KCNAB1: variants seen among roughly 807,000 people sequenced by gnomAD.
The protein encoded by KCNAB1 is potassium voltage-gated channel subfamily A regulatory beta subunit 1.
A neutral mutation model predicts 64.6 loss-of-function variants in KCNAB1; 35 were observed. The observed-to-expected ratio is 0.54, with a 90% confidence interval of 0.41 to 0.72. The LOEUF (loss-of-function observed/expected upper bound fraction) is 0.72. Among genes scored for constraint, KCNAB1 ranks in the 30% least tolerant of loss-of-function variants. The pLI, the probability that KCNAB1 is intolerant of heterozygous loss-of-function variation, is 0.00. For synonymous variants in KCNAB1, 177 were observed against 183.8 expected, an observed-to-expected ratio of 0.96 and a Z score of 0.30; for missense variants, 401 against 512.9, an observed-to-expected ratio of 0.78 and a Z score of 2.11.
chr3:156,118,874 G>T (rs1375300713), upstream of KCNAB1, among the ~76,000 whole-genome samples: 1 of 152,196 alleles, frequency 6.6e-6, no homozygotes, highest in Non-Finnish European at 1.5e-5. Context: ...ATATAATGTT[G>T]CCAGAACTCC....
intron 1 of KCNAB1, among the ~76,000 whole-genome samples, chr3:156,197,118 A>G (rs536589333): frequency 2.9e-4 from 44 of 152,256 alleles, no homozygotes; most frequent in Admixed American, 7.2e-4. Context: ...TGATTTGTGT[A>G]TGTTGAACCA....
intron 2 of KCNAB1, among the ~76,000 whole-genome samples, chr3:156,429,822 A>G (rs1716082573): frequency 6.6e-6 from 1 of 152,196 alleles, no homozygotes; most frequent in Non-Finnish European, 1.5e-5. Flanking sequence ...TTTCCCTGAA[A>G]GAGTTTACCA....
intron 7 of KCNAB1, among the ~76,000 whole-genome samples, chr3:156,469,499 T>C (rs1713719228): frequency 6.6e-6 from 1 of 152,192 alleles, no homozygotes; most frequent in South Asian, 2.1e-4. Flanking sequence ...CCTCAAGTGA[T>C]CTGCCTGCAA....
chr3:156,238,761 G>A (rs1370215902), intron 1 of KCNAB1, among the ~76,000 whole-genome samples: 4 of 152,090 alleles, frequency 2.6e-5, no homozygotes, highest in Non-Finnish European at 4.4e-5. Flanking sequence ...CACCTCACTG[G>A]CACATCCTTG....
intron 1 of KCNAB1, among the ~76,000 whole-genome samples, chr3:156,203,056 C>T (rs1324595426): frequency 6.6e-6 from 1 of 152,166 alleles, no homozygotes; most frequent in Admixed American, 6.5e-5. Flanking sequence ...TTAACATACA[C>T]ACAAAAGATG....
chr3:156,222,520 C>T (rs573892951), intron 1 of KCNAB1, among the ~76,000 whole-genome samples: 4 of 152,256 alleles, frequency 2.6e-5, no homozygotes, highest in African/African-American at 9.6e-5. Flanking sequence ...GACAGGTCAT[C>T]AAGACAGAAA....
intron 1 of KCNAB1, among the ~76,000 whole-genome samples, chr3:156,194,003 G>T (rs1489619956): frequency 1.3e-5 from 2 of 152,052 alleles, no homozygotes; most frequent in East Asian, 1.9e-4. Flanking sequence ...TAAAGCAAAA[G>T]AATCTTAAAA....
chr3:156,157,911 C>G (rs1368386660), intron 1 of KCNAB1, among the ~76,000 whole-genome samples: 2 of 152,022 alleles, frequency 1.3e-5, no homozygotes, highest in African/African-American at 4.8e-5. Context: ...CGCCTGTAAT[C>G]CCAGCACTTT....
chr3:156,169,421 G>A (rs560965262), intron 1 of KCNAB1, among the ~76,000 whole-genome samples: 25 of 152,262 alleles, frequency 1.6e-4, no homozygotes, highest in African/African-American at 5.1e-4. Flanking sequence ...AGGAAGGAAC[G>A]GGCAAGAAAT....
intron 1 of KCNAB1, among the ~76,000 whole-genome samples, chr3:156,278,748 C>G (rs138238540): frequency 1.7e-3 from 260 of 152,044 alleles, no homozygotes; most frequent in South Asian, 5.6e-3. Flanking sequence ...AAGTGAGCAT[C>G]AAAACTCGCA....
intron 1 of KCNAB1, among the ~76,000 whole-genome samples, chr3:156,185,172 C>G (rs754066508): frequency 6.6e-6 from 1 of 152,192 alleles, no homozygotes; most frequent in African/African-American, 2.4e-5. Flanking sequence ...CATTGACACT[C>G]CACCCACTTT....
At chr3:156,464,023 T>G (rs1713151824) in intron 6 of KCNAB1, among the ~76,000 whole-genome samples, 1 of 152,224 alleles carries the variant, frequency 6.6e-6, no homozygotes, top group Non-Finnish European at 1.5e-5. Flanking sequence ...CTTAGAATCA[T>G]TTCCAAAATA....
At chr3:156,328,066 CCA>C (rs2108038863) in intron 1 of KCNAB1, among the ~76,000 whole-genome samples, 1 of 152,248 alleles carries the variant, frequency 6.6e-6, no homozygotes, top group East Asian at 1.9e-4. Context: ...TCCTTCCCAT[CCA>C]CACTTCTCCA....
chr3:156,536,635 T>C, intron 13 of KCNAB1, 23 bp from the exon 14 acceptor site: 2 of 1,508,364 alleles, frequency 1.3e-6, no homozygotes, highest in Non-Finnish European at 1.8e-6. Flanking sequence ...CAATATCCTT[T>C]GTACTTCTCC....
intron 1 of KCNAB1, among the ~76,000 whole-genome samples, chr3:156,405,777 C>A (rs562581992): frequency 1.3e-5 from 2 of 152,236 alleles, no homozygotes; most frequent in East Asian, 3.9e-4. Flanking sequence ...CATAATAACA[C>A]ATCCTATTGA....
intron 1 of KCNAB1, among the ~76,000 whole-genome samples, chr3:156,230,782 G>T (rs1282947924): frequency 6.6e-6 from 1 of 152,218 alleles, no homozygotes; most frequent in African/African-American, 2.4e-5. Context: ...GTAGACACAG[G>T]ATATGTTTAT....
chr3:156,441,750 T>G (rs1717017791), intron 2 of KCNAB1, among the ~76,000 whole-genome samples: 1 of 152,144 alleles, frequency 6.6e-6, no homozygotes, highest in African/African-American at 2.4e-5. Context: ...GCAGATTGTT[T>G]TAAAGGCCCT....
chr3:156,397,328 C>T (rs1297888166), intron 1 of KCNAB1, among the ~76,000 whole-genome samples: 1 of 152,132 alleles, frequency 6.6e-6, no homozygotes, highest in Non-Finnish European at 1.5e-5. Flanking sequence ...GAAATTGGCC[C>T]AAGTTCTCTG....
chr3:156,401,645 T>C (rs1351014578), intron 1 of KCNAB1, among the ~76,000 whole-genome samples: 3 of 152,230 alleles, frequency 2.0e-5, no homozygotes, highest in Non-Finnish European at 4.4e-5. Context: ...AGTTAATGGT[T>C]CGCTGCACCA....
Sources: allele counts gnomAD v4.1 joint callset (sites outside exome capture counted in the v4.1 genomes callset), GRCh38; gene constraint gnomAD v4.1.1; transcripts MANE v1.5; gene names NCBI Gene and HGNC (gene_info 2026-07-23, HGNC 2026-07-21).